The following SLC25A28 variants were observed in gnomAD, a reference collection of about 807,000 sequenced individuals.
SLC25A28 encodes mitoferrin-2.
A neutral mutation model predicts 31.9 loss-of-function variants in SLC25A28; 10 were observed. The observed-to-expected ratio is 0.31, with a 90% CI of 0.19 to 0.53. The LOEUF is 0.53. Ranked by LOEUF, SLC25A28 falls within the 20% of genes least tolerant of loss-of-function variation. The pLI, the probability that SLC25A28 is intolerant of heterozygous loss-of-function variation, is 0.95. For synonymous variants in SLC25A28, 208 were observed against 203.6 expected (o/e 1.02, Z -0.19); for missense variants, 256 against 490.3 (o/e 0.52, Z 4.51).
upstream of SLC25A28, chr10:99,622,784 A>T (rs1388387210): frequency 1.3e-6 from 1 of 785,474 alleles, no homozygotes; most frequent in Admixed American, 6.2e-5. Flanking sequence ...ATTCCAAACC[A>T]GTTGTCCTCA....
At chr10:99,614,172 T>C (rs1243329566) in intron 1 of SLC25A28, among the ~76,000 whole-genome samples, 1 of 152,252 alleles carries the variant, frequency 6.6e-6, no homozygotes, top group Non-Finnish European at 1.5e-5. Flanking sequence ...TATTGCTAAG[T>C]GTCCTGGTAC....
the SLC25A28 span, among the ~76,000 whole-genome samples, chr10:99,637,358 A>C: frequency 6.6e-6 from 1 of 152,214 alleles, no homozygotes; most frequent in Non-Finnish European, 1.5e-5. Context: ...AGTTGAAAGC[A>C]TTCCCTCTGA....
chr10:99,644,602 G>A, the SLC25A28 span, among the ~76,000 whole-genome samples: 1 of 152,288 alleles, frequency 6.6e-6, no homozygotes, highest in Non-Finnish European at 1.5e-5. Context: ...TCATTATGAT[G>A]TTAGCTGGTT....
upstream of SLC25A28, among the ~76,000 whole-genome samples, chr10:99,623,115 T>C (rs2133370329): frequency 6.6e-6 from 1 of 152,248 alleles, no homozygotes; most frequent in Non-Finnish European, 1.5e-5. Flanking sequence ...TTCTGAATGA[T>C]AGGCAGGAGC....
At chr10:99,615,639 T>C (rs996859890) in intron 1 of SLC25A28, 6 of 985,310 alleles carry the variant, frequency 6.1e-6, no homozygotes, top group Non-Finnish European at 7.2e-6. Flanking sequence ...CAAAACCTCA[T>C]GTATTTCCAA....
chr10:99,619,369 A>T (rs1049831623), intron 1 of SLC25A28: 2 of 985,300 alleles, frequency 2.0e-6, no homozygotes, highest in African/African-American at 1.7e-5. Context: ...CTCCCTGAAC[A>T]TACAGTCCTA....
the SLC25A28 span, among the ~76,000 whole-genome samples, chr10:99,633,659 A>C: frequency 9.5e-6 from 1 of 105,284 alleles, no homozygotes; most frequent in African/African-American, 4.1e-5. Context: ...ACAGAGGGAG[A>C]CTCTGTCTTA....
In SLC25A28 at chr10:99,613,879, T is replaced by C; in HGVS notation, c.337A>G (p.Asn113Asp). ...ATCCTCCAGAGGGCCTCCAACACAT[T>C]GCGATAGCGGGCAGCTGGGTCAGGC... The part of the protein sequence containing the change: ...LQPDPAARYR[N>D]VLEALWRIIR... Residue 113 changes from asparagine (N) to aspartate (D), a missense_variant, in exon 2 of 4, where the codon AAT (asparagine) becomes GAT (aspartate). Coordinates refer to ENST00000370495, the MANE Select transcript of SLC25A28 (RefSeq NM_031212.4). This position sits in a 1 kb window ranked among gnomAD's most constrained non-coding sequence, Gnocchi z 4.9. 1 of 1,613,500 alleles carries C rather than the reference T, an allele frequency of 6.2e-7. No individual in the cohort carries two copies. Among genetic ancestry groups the C allele is most frequent in the Non-Finnish European group, 8.5e-7 (1 of 1,179,652 alleles).
Position 99,617,587 on chromosome 10 carries a change from T to C in SLC25A28, c.291+2458A>G, listed in dbSNP as rs2034688288. On this transcript the variant is annotated intron_variant, in intron 1 of 3. Transcript: ENST00000370495. Reference sequence around the variant, plus strand: ...GGAAGTCTTTTCTGAAGGAAGAGATTTGAATTTTACTTTCATGCCTGCACA... The same window carrying C: ...GGAAGTCTTTTCTGAAGGAAGAGATCTGAATTTTACTTTCATGCCTGCACA... 6.1e-6 allele frequency: 6 copies of C among 985,378 alleles called. No homozygotes were observed. The South Asian group carries it at 2.8e-4, about 46-fold the overall frequency. 61.0% of individuals were successfully genotyped at this position (985,378 alleles called of 1,614,324 possible). A position where few individuals can be genotyped will look rare whatever the true frequency, so the allele number is the denominator to read the frequency against.
chr10:99,641,284 T>A, the SLC25A28 span, among the ~76,000 whole-genome samples: 3 of 152,244 alleles, frequency 2.0e-5, no homozygotes, highest in South Asian at 2.1e-4. Flanking sequence ...GATATCTCAT[T>A]GTGGTTTTGA....
upstream of SLC25A28, chr10:99,620,846 C>T (rs2034775822): frequency 2.0e-6 from 2 of 985,502 alleles, no homozygotes; most frequent in Non-Finnish European, 2.4e-6. Context: ...GGGCCCCTCA[C>T]TAGCGCCTGC....
chr10:99,622,588 C>T, upstream of SLC25A28: 3 of 936,364 alleles, frequency 3.2e-6, no homozygotes, highest in Non-Finnish European at 3.8e-6. Flanking sequence ...GGTCTTTTTC[C>T]TATTCCCGTT....
the SLC25A28 span, among the ~76,000 whole-genome samples, chr10:99,651,589 C>CTTTCTTTTTT: frequency 2.3e-5 from 1 of 43,182 alleles, no homozygotes; most frequent in East Asian, 4.5e-4. Flanking sequence ...TTGCCTTTTT[C>CTTTCTTTTTT]TTTTCTTTTT....
At chr10:99,650,008 C>T in the SLC25A28 span, among the ~76,000 whole-genome samples, 2 of 151,944 alleles carry the variant, frequency 1.3e-5, no homozygotes, top group Non-Finnish European at 2.9e-5. Context: ...TGTTCTAGTT[C>T]CTTGAGATGT....
rs1477582544 is a variant in SLC25A28, at chr10:99,620,407, T to C, written c.-72A>G. 5.8e-6 allele frequency: 6 copies of C among 1,028,240 alleles called. No individual in the cohort carries two copies. Among genetic ancestry groups the C allele is most frequent in the Non-Finnish European group, 7.0e-6 (6 of 859,810 alleles). The allele number at this position is 1,028,240 out of a possible 1,614,324, so 63.7% of individuals were successfully genotyped here. A position where few individuals can be genotyped will look rare whatever the true frequency, so the allele number is the denominator to read the frequency against. On this transcript the variant is annotated 5_prime_UTR_variant, in exon 1 of 4. Coordinates refer to ENST00000370495, the MANE Select transcript of SLC25A28 (RefSeq NM_031212.4). ...CTGCCGCCGCCGCCCCCCGGCCCCG[T>C]AGTGTCCGCCTCAGGCGCGGCCCAG... is the stretch of plus-strand genomic sequence containing the variant.
chr10:99,654,535 G>A, the SLC25A28 span, among the ~76,000 whole-genome samples: 1 of 152,050 alleles, frequency 6.6e-6, no homozygotes, highest in Non-Finnish European at 1.5e-5. Flanking sequence ...GGTGACGTGT[G>A]CCTGTAGTCC....
the SLC25A28 span, among the ~76,000 whole-genome samples, chr10:99,645,611 CTT>C: frequency 1.3e-5 from 2 of 152,360 alleles, no homozygotes; most frequent in Non-Finnish European, 2.9e-5. Flanking sequence ...CGAGGAGCTG[CTT>C]TCCTTTGGAG....
the SLC25A28 span, among the ~76,000 whole-genome samples, chr10:99,651,829 C>T: frequency 6.6e-6 from 1 of 151,976 alleles, no homozygotes; most frequent in African/African-American, 2.4e-5. Flanking sequence ...GAACTCCTCC[C>T]ACCTCAGCCT....
At chr10:99,650,630 C>T in the SLC25A28 span, among the ~76,000 whole-genome samples, 4 of 151,722 alleles carry the variant, frequency 2.6e-5, no homozygotes, top group East Asian at 1.9e-4. Context: ...AAATGCAATC[C>T]GCTCACATCT....
Sources: allele counts gnomAD v4.1 joint callset (sites outside exome capture counted in the v4.1 genomes callset), GRCh38; gene constraint gnomAD v4.1.1; non-coding constraint Gnocchi (gnomAD v3.1); transcripts MANE v1.5; gene names NCBI Gene and HGNC (gene_info 2026-07-23, HGNC 2026-07-21).